SPAG16: variants seen among roughly 807,000 people sequenced by gnomAD.
SPAG16 encodes the protein sperm associated antigen 16.
SPAG16 carries 86 observed loss-of-function variants against 80.4 expected under a neutral mutation model. That is an observed-to-expected ratio of 1.07 (90% CI 0.90 to 1.28). The LOEUF (loss-of-function observed/expected upper bound fraction) is 1.28, where lower values mean the gene tolerates loss of function less well. SPAG16 is among the 50% of genes most tolerant of loss of function. The pLI is 0.00. For synonymous variants in SPAG16, 294 were observed against 265.9 expected (o/e 1.11, Z -1.03); for missense variants, 870 against 765.3 (o/e 1.14, Z -1.61).
intron 13 of SPAG16, among the ~76,000 whole-genome samples, chr2:214,037,384 G>C (rs548692370): frequency 3.0e-4 from 45 of 151,570 alleles, no homozygotes; most frequent in African/African-American, 9.4e-4. Flanking sequence ...TCTGTTTTTT[G>C]TTATTAGAGA....
intron 15 of SPAG16, among the ~76,000 whole-genome samples, chr2:214,334,906 T>C (rs1559221691): frequency 6.6e-6 from 1 of 152,250 alleles, no homozygotes; most frequent in Non-Finnish European, 1.5e-5. Context: ...CTCATTTTAA[T>C]GTTTGCTTTC....
At chr2:214,037,301 C>T (rs1432462559) in intron 13 of SPAG16, among the ~76,000 whole-genome samples, 1 of 151,892 alleles carries the variant, frequency 6.6e-6, no homozygotes, top group East Asian at 1.9e-4. Flanking sequence ...ATTCACCCAA[C>T]TTGTTTAATA....
chr2:214,347,130 T>C (rs1233865927), intron 15 of SPAG16, among the ~76,000 whole-genome samples: 1 of 152,134 alleles, frequency 6.6e-6, no homozygotes, highest in Admixed American at 6.5e-5. Flanking sequence ...TACACTGTTA[T>C]TGGTGGTGGA....
chr2:214,121,699 T>G (rs1336855201), intron 14 of SPAG16, among the ~76,000 whole-genome samples: 1 of 151,828 alleles, frequency 6.6e-6, no homozygotes, highest in African/African-American at 2.4e-5. Flanking sequence ...TGTTCCAAAA[T>G]CCAAAACATG....
intron 10 of SPAG16, among the ~76,000 whole-genome samples, chr2:213,829,811 C>G (rs1436902202): frequency 6.6e-6 from 1 of 152,106 alleles, no homozygotes; most frequent in Non-Finnish European, 1.5e-5. Context: ...GAATGACGGC[C>G]TAGAATAAGG....
intron 10 of SPAG16, among the ~76,000 whole-genome samples, chr2:213,757,285 C>A (rs2125507027): frequency 6.6e-6 from 1 of 151,648 alleles, no homozygotes; most frequent in South Asian, 2.1e-4. Context: ...CTACTTAAAG[C>A]TATCCACAGG....
intron 10 of SPAG16, among the ~76,000 whole-genome samples, chr2:213,595,593 C>G (rs2060858913): frequency 1.3e-5 from 2 of 152,018 alleles, no homozygotes; most frequent in African/African-American, 2.4e-5. Context: ...TGTTACAAAA[C>G]ATAAATATCT....
At chr2:214,158,536 C>G (rs1182419514) in intron 15 of SPAG16, among the ~76,000 whole-genome samples, 1 of 151,908 alleles carries the variant, frequency 6.6e-6, no homozygotes, top group Admixed American at 6.6e-5. Flanking sequence ...ATGACTGGAT[C>G]AAAGTCTTCT....
chr2:214,229,146 G>T (rs1182672846), intron 15 of SPAG16, among the ~76,000 whole-genome samples: 2 of 149,616 alleles, frequency 1.3e-5, no homozygotes, highest in Admixed American at 1.3e-4. Flanking sequence ...CATCTACCAC[G>T]AGAAGCAGGA....
intron 10 of SPAG16, among the ~76,000 whole-genome samples, chr2:213,517,049 A>G (rs973989276): frequency 2.0e-5 from 3 of 152,210 alleles, no homozygotes; most frequent in Non-Finnish European, 2.9e-5. Flanking sequence ...ATATGATTCT[A>G]TATCTAGAAA....
At chr2:214,215,186 C>A (rs533808960) in intron 15 of SPAG16, among the ~76,000 whole-genome samples, 13 of 152,156 alleles carry the variant, frequency 8.5e-5, no homozygotes, top group African/African-American at 3.1e-4. Flanking sequence ...CAAGGCCAGA[C>A]ACAGACCCTC....
chr2:214,295,669 T>C (rs1694080258), intron 15 of SPAG16, among the ~76,000 whole-genome samples: 1 of 152,104 alleles, frequency 6.6e-6, no homozygotes, highest in Non-Finnish European at 1.5e-5. Flanking sequence ...CACATGTCTG[T>C]AATCCCAGCT....
At chr2:213,806,828 TA>T (rs2071797431) in intron 10 of SPAG16, among the ~76,000 whole-genome samples, 1 of 152,176 alleles carries the variant, frequency 6.6e-6, no homozygotes, top group Admixed American at 6.5e-5. Flanking sequence ...TTTAATAAGT[TA>T]AAAAATAAAA....
chr2:213,298,802 G>A (rs1313027120), intron 3 of SPAG16, among the ~76,000 whole-genome samples: 1 of 152,002 alleles, frequency 6.6e-6, no homozygotes. Context: ...TTGATTTCTG[G>A]CATGTCTGTA....
chr2:213,479,093 C>CTTTT (rs1559173970), intron 9 of SPAG16, among the ~76,000 whole-genome samples: 27 of 115,644 alleles, frequency 2.3e-4, no homozygotes, highest in African/African-American at 9.9e-4. Flanking sequence ...ACACTGGCTT[C>CTTTT]CTTTTTTTTT....
chr2:214,067,130 T>C (rs16851377), intron 13 of SPAG16, among the ~76,000 whole-genome samples: 15,935 of 152,088 alleles, frequency 0.1, 1,002 homozygotes, highest in East Asian at 0.29. Flanking sequence ...CTTTTCAGCT[T>C]TCTATGTGAA....
chr2:214,143,187 C>T (rs1317772577), intron 14 of SPAG16, among the ~76,000 whole-genome samples: 1 of 149,284 alleles, frequency 6.7e-6, no homozygotes, highest in Non-Finnish European at 1.5e-5. Flanking sequence ...GGCTCAATTT[C>T]CTCATTCATA....
intron 10 of SPAG16, among the ~76,000 whole-genome samples, chr2:213,528,780 C>CA (rs1218734493): frequency 1.3e-5 from 2 of 151,940 alleles, no homozygotes; most frequent in Admixed American, 1.3e-4. Flanking sequence ...GCTGATCAGA[C>CA]AAAAAAATTG....
chr2:214,326,418 A>G (rs1696482858), intron 15 of SPAG16, among the ~76,000 whole-genome samples: 1 of 152,162 alleles, frequency 6.6e-6, no homozygotes, highest in Admixed American at 6.5e-5. Context: ...ACTGGGAGAG[A>G]AGCAATTTGT....
Sources: gnomAD v4.1 joint callset for allele counts (sites outside exome capture counted in the v4.1 genomes callset) on GRCh38, gnomAD v4.1.1 for gene constraint, MANE v1.5 for transcripts, NCBI Gene and HGNC (gene_info 2026-07-23, HGNC 2026-07-21) for gene names.